The following METAP1 variants were observed in gnomAD, a reference collection of about 807,000 sequenced individuals.
The protein encoded by METAP1 is methionyl aminopeptidase 1.
METAP1 carries 28 observed loss-of-function variants against 53.8 expected under a neutral mutation model. That is an observed-to-expected ratio of 0.52 (90% CI 0.39 to 0.71). The LOEUF (loss-of-function observed/expected upper bound fraction) is 0.71. METAP1 is among the 30% of genes least tolerant of loss of function. The probability of loss-of-function intolerance (pLI) is 0.00; values close to 1 mark genes in which losing one functional copy is unlikely to be tolerated. For missense variants in METAP1, 389 were observed against 479.8 expected (o/e 0.81, Z 1.77); for synonymous variants, 181 against 165.7 (o/e 1.09, Z -0.71).
rs183656897 is a variant in METAP1, at chr4:99,011,267, C to G, written c.114+15400C>G. On this transcript the variant is annotated intron_variant, in intron 1 of 10. Coordinates refer to ENST00000296411, the MANE Select transcript of METAP1 (RefSeq NM_015143.3). ...CAGATGAAAAGCTTTCTGTCTTTCA[C>G]CATTGAGTTTGATGTTAGTTATGGG... is the stretch of plus-strand genomic sequence containing the variant. Among the ~76,000 whole-genome samples, 10 of 152,144 alleles carry G rather than the reference C, an allele frequency of 6.6e-5. No homozygotes were observed. The South Asian group carries it at 2.1e-3, about 32-fold the overall frequency.
intron 1 of METAP1, chr4:99,022,416 A>G: frequency 1.4e-6 from 1 of 703,720 alleles, no homozygotes. Context: ...TGTCCTAGGC[A>G]GTTGCCAGGT....
intron 1 of METAP1, among the ~76,000 whole-genome samples, chr4:98,998,535 AAAAC>A: frequency 6.6e-6 from 1 of 150,744 alleles, no homozygotes; most frequent in African/African-American, 2.4e-5. Flanking sequence ...GAAAAAAACA[AAAAC>A]AAAACAAAAC....
chr4:99,047,077 A>G (rs1726322257), intron 8 of METAP1, among the ~76,000 whole-genome samples: 1 of 152,132 alleles, frequency 6.6e-6, no homozygotes, highest in Non-Finnish European at 1.5e-5. Context: ...TTTTTTGGAA[A>G]GTGCTTTGAA....
intron 2 of METAP1, among the ~76,000 whole-genome samples, chr4:99,032,559 G>T (rs1258040879): frequency 6.6e-6 from 1 of 152,164 alleles, no homozygotes; most frequent in African/African-American, 2.4e-5. Flanking sequence ...ATAAACTGTG[G>T]AAGGGTAAAA....
intron 4 of METAP1, among the ~76,000 whole-genome samples, chr4:99,038,980 G>A (rs1272466071): frequency 6.6e-6 from 1 of 152,140 alleles, no homozygotes; most frequent in Non-Finnish European, 1.5e-5. Flanking sequence ...AGAAAATAGT[G>A]TAATTAATTC....
chr4:99,039,811 C>G (rs1725720863), intron 5 of METAP1, among the ~76,000 whole-genome samples: 1 of 152,142 alleles, frequency 6.6e-6, no homozygotes, highest in Non-Finnish European at 1.5e-5. Context: ...CCAGGCTGGT[C>G]TCGAACTCCT....
chr4:99,033,519 T>C (rs1262964753), intron 2 of METAP1, among the ~76,000 whole-genome samples: 1 of 152,212 alleles, frequency 6.6e-6, no homozygotes, highest in Admixed American at 6.5e-5. Flanking sequence ...AGTAGAATTC[T>C]TGCGTATATT....
Position 99,062,322 on chromosome 4 carries a change from A to G in METAP1, c.*1005A>G, listed in dbSNP as rs62325237. ...TAAATGTGATAGTGATGAGAAAGGA[A>G]TTTTGTGTACTGTAACCTTGCAGTA... On this transcript the variant is annotated 3_prime_UTR_variant, in exon 11 of 11. Coordinates refer to ENST00000296411, the MANE Select transcript of METAP1 (RefSeq NM_015143.3). 1 of 152,270 alleles carries G rather than the reference A, an allele frequency of 6.6e-6. No homozygotes were observed. The highest frequency in any genetic ancestry group is 1.9e-4 in the East Asian group (1 of 5,192). The allele number at this position is 152,270 out of a possible 1,614,324, so 9.4% of individuals were successfully genotyped here. A position where few individuals can be genotyped will look rare whatever the true frequency, so the allele number is the denominator to read the frequency against.
At chr4:98,999,183 C>G (rs1254163173) in intron 1 of METAP1, among the ~76,000 whole-genome samples, 3 of 152,066 alleles carry the variant, frequency 2.0e-5, no homozygotes, top group Non-Finnish European at 2.9e-5. Context: ...TCTCATTTCC[C>G]AGTATGATGC....
intron 9 of METAP1, among the ~76,000 whole-genome samples, chr4:99,056,465 A>T (rs1727126855): frequency 6.6e-6 from 1 of 152,236 alleles, no homozygotes; most frequent in South Asian, 2.1e-4. Flanking sequence ...GAAGCTAAAA[A>T]GTACTTGGAG....
intron 1 of METAP1, among the ~76,000 whole-genome samples, chr4:99,018,485 A>G (rs1025033995): frequency 1.2e-4 from 19 of 152,194 alleles, no homozygotes; most frequent in African/African-American, 3.6e-4. Flanking sequence ...GGGCAATACT[A>G]TCCACCGGTA....
At chr4:98,999,084 G>A (rs1236842216) in intron 1 of METAP1, among the ~76,000 whole-genome samples, 1 of 152,208 alleles carries the variant, frequency 6.6e-6, no homozygotes, top group Non-Finnish European at 1.5e-5. Flanking sequence ...TGGGATTACA[G>A]GCGTGAGCCA....
chr4:99,032,901 A>G (rs1174802408), intron 2 of METAP1, among the ~76,000 whole-genome samples: 3 of 152,218 alleles, frequency 2.0e-5, no homozygotes, highest in Admixed American at 6.5e-5. Flanking sequence ...GAGGGGAGAA[A>G]GATATTTTAA....
intron 1 of METAP1, among the ~76,000 whole-genome samples, chr4:99,009,821 T>C (rs1261864196): frequency 6.6e-6 from 1 of 152,226 alleles, no homozygotes; most frequent in Non-Finnish European, 1.5e-5. Context: ...TTCCATAGGT[T>C]ACCTTTTACT....
At chr4:99,054,180 G>GT (rs1300902871) in intron 9 of METAP1, among the ~76,000 whole-genome samples, 2 of 152,162 alleles carry the variant, frequency 1.3e-5, no homozygotes, top group Non-Finnish European at 2.9e-5. Flanking sequence ...TTAGAAGGCT[G>GT]TTTTGGTCTG....
At chr4:99,034,138 C>G in intron 2 of METAP1, 92 bp from the exon 3 acceptor site, 1 of 767,312 alleles carries the variant, frequency 1.3e-6, no homozygotes, top group Non-Finnish European at 2.2e-6. Context: ...AAGAGATATT[C>G]AAAGTATGCT....
intron 10 of METAP1, among the ~76,000 whole-genome samples, chr4:99,059,334 A>C (rs1456636967): frequency 6.6e-6 from 1 of 152,184 alleles, no homozygotes; most frequent in Non-Finnish European, 1.5e-5. Flanking sequence ...TAATGTTTTA[A>C]ATTTGTGTAA....
chr4:99,020,464 CAG>C (rs1050310683), intron 1 of METAP1, among the ~76,000 whole-genome samples: 1 of 152,084 alleles, frequency 6.6e-6, no homozygotes. Flanking sequence ...AAGGAGATAT[CAG>C]AGACTTCTGC....
At chr4:99,038,598 C>T (rs1376495451) in intron 4 of METAP1, among the ~76,000 whole-genome samples, 1 of 151,928 alleles carries the variant, frequency 6.6e-6, no homozygotes, top group Non-Finnish European at 1.5e-5. Flanking sequence ...TCCATTAGTA[C>T]TTGTAAATAA....
Sources: gnomAD v4.1 joint callset for allele counts (sites outside exome capture counted in the v4.1 genomes callset) on GRCh38, gnomAD v4.1.1 for gene constraint, MANE v1.5 for transcripts, NCBI Gene and HGNC (gene_info 2026-07-23, HGNC 2026-07-21) for gene names.